Variants in MAF observed in about 807,000 individuals in gnomAD.
MAF encodes the protein MAF bZIP transcription factor.
In MAF, 10 loss-of-function variants were observed where a neutral mutation model predicts 22.0. The observed-to-expected ratio is 0.45, with a 90% CI of 0.28 to 0.77. The LOEUF (loss-of-function observed/expected upper bound fraction) is 0.77, where lower values mean the gene tolerates loss of function less well. Among genes scored for constraint, MAF ranks in the 30% least tolerant of loss-of-function variants. The pLI is 0.12. For missense variants in MAF, 544 were observed against 548.4 expected, an observed-to-expected ratio of 0.99 and a Z score of 0.08; for synonymous variants, 337 against 255.8, an observed-to-expected ratio of 1.32 and a Z score of -3.03.
the MAF span, among the ~76,000 whole-genome samples, chr16:79,228,714 G>T: frequency 6.6e-6 from 1 of 151,994 alleles, no homozygotes; most frequent in Non-Finnish European, 1.5e-5. Flanking sequence ...AAATTCAGAT[G>T]TTTCTCCTCT....
At chr16:79,271,615 T>C in the MAF span, among the ~76,000 whole-genome samples, 3 of 152,340 alleles carry the variant, frequency 2.0e-5, no homozygotes, top group African/African-American at 7.2e-5. Context: ...CTCTCTCAGA[T>C]ACAAGTCTGT....
chr16:79,396,175 C>T, the MAF span, among the ~76,000 whole-genome samples: 2 of 152,194 alleles, frequency 1.3e-5, no homozygotes, highest in Non-Finnish European at 2.9e-5. Flanking sequence ...GACAGGCCTC[C>T]TCCTGAGACA....
chr16:79,558,561 T>G, the MAF span, among the ~76,000 whole-genome samples: 1 of 152,194 alleles, frequency 6.6e-6, no homozygotes, highest in African/African-American at 2.4e-5. Context: ...ATCAGACTTT[T>G]CGGGAATCAG....
the MAF span, among the ~76,000 whole-genome samples, chr16:79,381,270 T>C: frequency 1.7e-4 from 26 of 152,374 alleles, 1 homozygote; most frequent in South Asian, 5.4e-3. Context: ...AGACTAATTG[T>C]GGTTTTAACA....
At chr16:79,388,089 TC>T in the MAF span, among the ~76,000 whole-genome samples, 1 of 152,252 alleles carries the variant, frequency 6.6e-6, no homozygotes, top group Non-Finnish European at 1.5e-5. Flanking sequence ...GTTCACAGCG[TC>T]CACTCTCCTG....
chr16:79,208,381 C>CA, the MAF span, among the ~76,000 whole-genome samples: 68,897 of 149,034 alleles, frequency 0.46, 16,749 homozygotes, highest in Non-Finnish European at 0.56. Context: ...GATTGATTCT[C>CA]AAAAAAAAAA....
the MAF span, among the ~76,000 whole-genome samples, chr16:79,226,426 T>G: frequency 6.6e-6 from 1 of 152,082 alleles, no homozygotes; most frequent in East Asian, 1.9e-4. Flanking sequence ...ATACCTAATG[T>G]AGATGACGGG....
the MAF span, among the ~76,000 whole-genome samples, chr16:79,355,944 A>T: frequency 6.6e-6 from 1 of 152,054 alleles, no homozygotes; most frequent in Non-Finnish European, 1.5e-5. Flanking sequence ...TAGCCTCGTA[A>T]TCCTTCTACA....
At chr16:79,566,950 T>A in the MAF span, among the ~76,000 whole-genome samples, 3 of 152,228 alleles carry the variant, frequency 2.0e-5, no homozygotes, top group Non-Finnish European at 4.4e-5. Context: ...GGGCATTTTA[T>A]AGAGTCCTGG....
chr16:79,206,755 T>C, the MAF span: 2 of 152,336 alleles, frequency 1.3e-5, no homozygotes, highest in Middle Eastern at 3.4e-3. Context: ...AATTTCATTA[T>C]AGAAGTATCA....
the MAF span, among the ~76,000 whole-genome samples, chr16:79,468,012 A>G: frequency 6.6e-6 from 1 of 152,168 alleles, no homozygotes. Flanking sequence ...GATTGATCAG[A>G]CATCAATCCA....
At chr16:79,458,751 A>G in the MAF span, among the ~76,000 whole-genome samples, 2 of 152,222 alleles carry the variant, frequency 1.3e-5, no homozygotes, top group African/African-American at 4.8e-5. Flanking sequence ...AAAATGTATC[A>G]TGAAGTACGT....
the MAF span, among the ~76,000 whole-genome samples, chr16:79,377,788 C>T: frequency 6.6e-6 from 1 of 152,166 alleles, no homozygotes; most frequent in Non-Finnish European, 1.5e-5. Context: ...ATAGGGAATC[C>T]TTTCCCCATT....
At chr16:79,557,724 G>A in the MAF span, among the ~76,000 whole-genome samples, 33 of 152,134 alleles carry the variant, frequency 2.2e-4, no homozygotes, top group African/African-American at 7.0e-4. Context: ...CAAAGTTCAT[G>A]TGCAATTTTT....
chr16:79,232,797 A>G, the MAF span, among the ~76,000 whole-genome samples: 5 of 151,610 alleles, frequency 3.3e-5, no homozygotes, highest in African/African-American at 1.2e-4. Flanking sequence ...GGCCCAGTTT[A>G]ATAACAGCTG....
the MAF span, among the ~76,000 whole-genome samples, chr16:79,361,363 C>T: frequency 6.6e-6 from 1 of 152,196 alleles, no homozygotes; most frequent in African/African-American, 2.4e-5. Context: ...CAAGCTGCAC[C>T]TGTGAAGCAA....
At chr16:79,587,775 C>T (rs75042996) in intron 1 of MAF, among the ~76,000 whole-genome samples, 10,556 of 150,012 alleles carry the variant, frequency 0.07, 445 homozygotes, top group Middle Eastern at 0.13. Context: ...AGTAGATGTC[C>T]TTTTTAGATC....
chr16:79,367,882 T>G, the MAF span, among the ~76,000 whole-genome samples: 12 of 152,206 alleles, frequency 7.9e-5, no homozygotes, highest in Admixed American at 3.3e-4. Flanking sequence ...GATTCTTCTT[T>G]TGGTCCTTCA....
the MAF span, among the ~76,000 whole-genome samples, chr16:79,506,651 G>A: frequency 6.6e-6 from 1 of 152,202 alleles, no homozygotes; most frequent in South Asian, 2.1e-4. Flanking sequence ...TTCACAGGAG[G>A]GGCTGGATGG....
Sources: gnomAD v4.1 joint callset for allele counts (sites outside exome capture counted in the v4.1 genomes callset) on GRCh38, gnomAD v4.1.1 for gene constraint, MANE v1.5 for transcripts, NCBI Gene and HGNC (gene_info 2026-07-23, HGNC 2026-07-21) for gene names.